The following TRHDE variants were observed in gnomAD, a reference collection of about 807,000 sequenced individuals.
The protein encoded by TRHDE is thyrotropin releasing hormone degrading enzyme, also known as thyrotropin-releasing hormone-degrading ectoenzyme.
A neutral mutation model predicts 125.7 loss-of-function variants in TRHDE; 72 were observed. The ratio of observed to expected loss-of-function variants is 0.57; its 90% CI spans 0.47 to 0.70. TRHDE has a LOEUF of 0.70. TRHDE is among the 30% of genes least tolerant of loss of function. The pLI, the probability that TRHDE is intolerant of heterozygous loss-of-function variation, is 0.00. For missense variants in TRHDE, 1,110 were observed against 1,327.1 expected (o/e 0.84, Z 2.54); for synonymous variants, 509 against 509.1 (o/e 1.00, Z 0.00).
chr12:72,185,379 C>T lies in TRHDE; in HGVS notation n.279+79627C>T, dbSNP rs374435542. On this transcript the variant is annotated intron_variant and non_coding_transcript_variant, in intron 2 of 4. Coordinates refer to the TRHDE transcript ENST00000548156. ...CTAGCCTCCCCGACGAGCACCACCC[C>T]CTGCTCCACGGCGCCCAGTCCCATC... 4.5e-4 allele frequency among the ~76,000 whole-genome samples: 68 copies of T among 152,366 alleles called. 2 individuals are homozygous for T. In the East Asian group the frequency reaches 0.012, roughly 27 times the overall value.
At chr12:72,200,796 T>C (rs537559191) in intron 2 of TRHDE, among the ~76,000 whole-genome samples, 30 of 152,194 alleles carry the variant, frequency 2.0e-4, no homozygotes, top group African/African-American at 6.0e-4. Context: ...GGTTGTCTAG[T>C]AGAGAAAACA....
Position 72,668,471 on chromosome 12 carries a change from T to C in TRHDE, c.*5276T>C, listed in dbSNP as rs1875174103. On this transcript the variant is annotated 3_prime_UTR_variant, in exon 19 of 19. Coordinates refer to ENST00000261180, the MANE Select transcript of TRHDE (RefSeq NM_013381.3). ...CCTTTATTTCAAATACTTCGTACTT[T>C]AGGGATAGTATTTTGAAGATGTTTA... is the stretch of plus-strand genomic sequence containing the variant. 6.6e-6 allele frequency: 1 copy of C among 151,798 alleles called. No individual in the cohort carries two copies. The highest frequency in any genetic ancestry group is 6.6e-5 in the Admixed American group (1 of 15,202). The allele number at this position is 151,798 out of a possible 1,614,324, so 9.4% of individuals were successfully genotyped here. A position where few individuals can be genotyped will look rare whatever the true frequency, so the allele number is the denominator to read the frequency against.
At chr12:72,156,974 A>T (rs1294908578) in intron 2 of TRHDE, among the ~76,000 whole-genome samples, 3 of 152,154 alleles carry the variant, frequency 2.0e-5, no homozygotes, top group Non-Finnish European at 2.9e-5. Flanking sequence ...ACATGCTGTT[A>T]TTGCTAGGGT....
chr12:72,138,009 T>C (rs1269366195), intron 2 of TRHDE, among the ~76,000 whole-genome samples: 3 of 152,204 alleles, frequency 2.0e-5, no homozygotes, highest in Admixed American at 1.3e-4. Flanking sequence ...GCAATTAAAA[T>C]GCCAATTCCT....
intron 2 of TRHDE, among the ~76,000 whole-genome samples, chr12:72,293,674 G>A (rs943670665): frequency 6.6e-6 from 1 of 152,158 alleles, no homozygotes; most frequent in African/African-American, 2.4e-5. Flanking sequence ...AATGATCATT[G>A]CTGGTTACTG....
chr12:72,269,855 C>T (rs1879155594), upstream of TRHDE, among the ~76,000 whole-genome samples: 1 of 152,118 alleles, frequency 6.6e-6, no homozygotes, highest in African/African-American at 2.4e-5. Context: ...ACAGAAAAAG[C>T]CTTCTTTGAA....
intron 2 of TRHDE, among the ~76,000 whole-genome samples, chr12:72,307,463 C>T (rs1223404833): frequency 6.6e-6 from 1 of 151,994 alleles, no homozygotes; most frequent in Non-Finnish European, 1.5e-5. Flanking sequence ...AGCCACCACG[C>T]CTGGCCAGAC....
At chr12:72,246,628 A>G (rs1404751524) in intron 2 of TRHDE, among the ~76,000 whole-genome samples, 1 of 152,160 alleles carries the variant, frequency 6.6e-6, no homozygotes, top group Non-Finnish European at 1.5e-5. Context: ...TGCTTCTGGC[A>G]AGGACACAAA....
At chr12:72,159,716 A>C (rs143771592) in intron 2 of TRHDE, among the ~76,000 whole-genome samples, 1,545 of 152,098 alleles carry the variant, frequency 0.01, 20 homozygotes, top group Middle Eastern at 0.062. Context: ...TTTTCAATTT[A>C]ATTTTTTTCT....
chr12:72,325,701 C>T (rs555032742), intron 2 of TRHDE, among the ~76,000 whole-genome samples: 6 of 152,056 alleles, frequency 3.9e-5, no homozygotes, highest in Admixed American at 2.0e-4. Flanking sequence ...TGTTGAGCAC[C>T]GTGGTTAAAT....
At chr12:72,663,006 C>A in intron 18 of TRHDE, 46 bp from the exon 19 acceptor site, 2 of 1,562,412 alleles carry the variant, frequency 1.3e-6, no homozygotes, top group African/African-American at 2.8e-5. Context: ...GACATGAGTT[C>A]TTTTTAAGAC....
At chr12:72,165,866 G>A (rs1047217315) in intron 2 of TRHDE, among the ~76,000 whole-genome samples, 5 of 152,008 alleles carry the variant, frequency 3.3e-5, no homozygotes, top group African/African-American at 7.2e-5. Context: ...TAGTAGGGAC[G>A]GGGTTTCACC....
chr12:72,249,525 A>G (rs1249598217), intron 2 of TRHDE, among the ~76,000 whole-genome samples: 3 of 152,198 alleles, frequency 2.0e-5, no homozygotes, highest in African/African-American at 7.2e-5. Context: ...CTCAAAAAAT[A>G]AAAAGACATA....
chr12:72,174,067 C>A (rs1353977119), intron 2 of TRHDE, among the ~76,000 whole-genome samples: 1 of 152,074 alleles, frequency 6.6e-6, no homozygotes, highest in Non-Finnish European at 1.5e-5. Context: ...GAATATTAAA[C>A]GTTGATGTAA....
intron 2 of TRHDE, among the ~76,000 whole-genome samples, chr12:72,317,654 T>C (rs1294929875): frequency 6.6e-6 from 1 of 152,170 alleles, no homozygotes; most frequent in African/African-American, 2.4e-5. Context: ...ATTGGAGATA[T>C]AGTTTAAATT....
chr12:72,603,542 G>A (rs1019186586), intron 12 of TRHDE, among the ~76,000 whole-genome samples: 12 of 152,006 alleles, frequency 7.9e-5, no homozygotes, highest in Non-Finnish European at 1.5e-4. Flanking sequence ...TGGCTAACAT[G>A]GTGAAACCCC....
At chr12:72,499,857 T>C (rs1003313185) in intron 6 of TRHDE, among the ~76,000 whole-genome samples, 2 of 152,198 alleles carry the variant, frequency 1.3e-5, no homozygotes, top group Non-Finnish European at 2.9e-5. Context: ...ATAGAAATAT[T>C]GGAAATATTA....
At chr12:72,088,608 T>TG (rs549537995) in intron 1 of TRHDE, among the ~76,000 whole-genome samples, 87 of 152,206 alleles carry the variant, frequency 5.7e-4, no homozygotes, top group African/African-American at 2.0e-3. Context: ...GCCTCGGTTC[T>TG]CTCATCTGTA....
At chr12:72,502,568 C>T in intron 6 of TRHDE, among the ~76,000 whole-genome samples, 1 of 151,856 alleles carries the variant, frequency 6.6e-6, no homozygotes, top group East Asian at 1.9e-4. Context: ...ATTTTATGGC[C>T]CATAAGTTGA....
Sources: allele counts gnomAD v4.1 joint callset (sites outside exome capture counted in the v4.1 genomes callset), GRCh38; gene constraint gnomAD v4.1.1; transcripts MANE v1.5; gene names NCBI Gene and HGNC (gene_info 2026-07-23, HGNC 2026-07-21).